Variants in HAGH observed in about 807,000 individuals in gnomAD.
HAGH encodes the protein hydroxyacylglutathione hydrolase, also known as hydroxyacylglutathione hydrolase, mitochondrial.
In HAGH, 29 loss-of-function variants were observed where a neutral mutation model predicts 35.1. The observed-to-expected ratio is 0.83, with a 90% CI of 0.62 to 1.13. The LOEUF (loss-of-function observed/expected upper bound fraction) is 1.13, where lower values mean the gene tolerates loss of function less well. Among genes scored for constraint, HAGH ranks in the 50% most tolerant of loss-of-function variants. HAGH has a pLI of 0.00. For synonymous variants in HAGH, 225 were observed against 176.1 expected (o/e 1.28, Z -2.20); for missense variants, 478 against 419.6 (o/e 1.14, Z -1.22).
rs553673394 is a variant in HAGH at position 1,809,846 on chromosome 16, C to T, written c.748-13G>A. The T allele has an allele frequency of 3.7e-5, 59 of 1,606,120 alleles. No homozygotes were observed. Among genetic ancestry groups the T allele is most frequent in the South Asian group, 1.9e-4 (17 of 90,972 alleles). On this transcript the variant is annotated splice_polypyrimidine_tract_variant and intron_variant, in intron 7 of 8. Coordinates refer to ENST00000397356, the MANE Select transcript of HAGH (RefSeq NM_005326.6). ...TGCTGTACTTCTCCTGCAAGAGAAA[C>T]GCACCACTTTATCACGGGAACTTCA... is the stretch of plus-strand genomic sequence containing the variant.
chr16:1,822,968 A>G lies in HAGH; in HGVS notation c.146T>C (p.Met49Thr). 1 of 1,613,408 alleles carries G rather than the reference A, an allele frequency of 6.2e-7. No individual in the cohort carries two copies. The highest frequency in any genetic ancestry group is 8.5e-7 in the Non-Finnish European group (1 of 1,179,512). The change falls in exon 2 of 9, where the codon ATG becomes ACG. Residue 49 changes from methionine to threonine, a missense_variant. Transcript: ENST00000397356. ...CAGGGCAGGCAGCACCTCTACCTTCATGGTGCCCTCGTCCACGGTCAGGTT... is the reference window on the plus strand; with the variant it reads ...CAGGGCAGGCAGCACCTCTACCTTCGTGGTGCCCTCGTCCACGGTCAGGTT... ...RKNLTVDEGTMKVEVLPALTD... is the reference protein window; with the variant it reads ...RKNLTVDEGTTKVEVLPALTD...
chr16:1,814,696 G>A (rs564649969), intron 7 of HAGH, among the ~76,000 whole-genome samples: 2 of 151,900 alleles, frequency 1.3e-5, no homozygotes, highest in African/African-American at 2.4e-5. Flanking sequence ...TCAGGAGATC[G>A]AGACCTTCCT....
At chr16:1,809,446 A>T in intron 8 of HAGH, 64 bp from the exon 9 acceptor site, 1 of 1,348,444 alleles carries the variant, frequency 7.4e-7, no homozygotes, top group South Asian at 1.2e-5. Context: ...AGCCAGGGCC[A>T]CTGCAGAGGA....
At chr16:1,819,589 C>A (rs1485746373) in intron 4 of HAGH, among the ~76,000 whole-genome samples, 1 of 152,250 alleles carries the variant, frequency 6.6e-6, no homozygotes, top group Non-Finnish European at 1.5e-5. Context: ...TTCACACCCT[C>A]AAAAAGGCTG....
chr16:1,811,106 A>G (rs1001873501), intron 7 of HAGH, among the ~76,000 whole-genome samples: 2 of 152,250 alleles, frequency 1.3e-5, no homozygotes, highest in African/African-American at 4.8e-5. Flanking sequence ...AGTACGAAGC[A>G]TTTAAAGACA....
Position 1,826,496 on chromosome 16 carries a change from G to A in HAGH, c.76+216C>T, listed in dbSNP as rs982383415. The A allele has an allele frequency of 2.5e-4, 236 of 940,184 alleles. No homozygotes were observed. The Middle Eastern group carries it at 3.3e-3, about 13-fold the overall frequency. The allele number at this position is 940,184 out of a possible 1,614,324, so 58.2% of individuals were successfully genotyped here. A position where few individuals can be genotyped will look rare whatever the true frequency, so the allele number is the denominator to read the frequency against. ...GGAGGCCGCGGCGGACGCAGGCCTG[G>A]CCCTGCTTACCTAGCGCTTTCCGCA... On this transcript the variant is annotated intron_variant, in intron 1 of 8. Transcript: ENST00000397356.
chr16:1,820,664 G>T (rs1898115732), intron 3 of HAGH, among the ~76,000 whole-genome samples: 1 of 152,174 alleles, frequency 6.6e-6, no homozygotes, highest in South Asian at 2.1e-4. Context: ...GGTTGAAGGG[G>T]CCCTTCCCGG....
Position 1,819,169 on chromosome 16 carries a change from T to C in HAGH, c.487A>G (p.Ile163Val), listed in dbSNP as rs1364883641. Residue 163 changes from isoleucine (I) to valine (V), a missense_variant, in exon 5 of 9, where the codon ATT becomes GTT. By Grantham distance (29) the Ile-to-Val change is conservative (BLOSUM62 3). Transcript: ENST00000397356. ...LATPCHTSGH[I>V]CYFVSKPGGS... ...CCGGGCTTGCTCACGAAGTAACAAA[T>C]GTGTCCTGAAGTGTGGCACGGGGTC... 1 of 1,613,368 alleles carries C rather than the reference T, an allele frequency of 6.2e-7. No individual in the cohort carries two copies.
Position 1,809,010 on chromosome 16 carries a change from T to G in HAGH, c.*273A>C. The G allele has an allele frequency of 4.5e-6, 2 of 446,304 alleles. No individual in the cohort carries two copies. The highest frequency in any genetic ancestry group is 8.1e-6 in the Non-Finnish European group (2 of 247,890). The allele number at this position is 446,304 out of a possible 1,614,324, so 27.6% of individuals were successfully genotyped here. On this transcript the variant is annotated 3_prime_UTR_variant, in exon 9 of 9. Transcript: ENST00000397356. ...GCTCACGCCTGACCTGAAGCGTGGGTGGGGGGACTGCAGTGGCTCACGGAG... is the reference window on the plus strand; with the variant it reads ...GCTCACGCCTGACCTGAAGCGTGGGGGGGGGGACTGCAGTGGCTCACGGAG...
intron 1 of HAGH, chr16:1,826,404 G>A: frequency 3.5e-6 from 1 of 289,202 alleles, no homozygotes; most frequent in Non-Finnish European, 5.1e-6. Flanking sequence ...GGCTCTCCTC[G>A]GCGCCGGCCC....
intron 1 of HAGH, among the ~76,000 whole-genome samples, chr16:1,823,790 T>A (rs1302164343): frequency 1.5e-5 from 2 of 137,856 alleles, no homozygotes; most frequent in Admixed American, 1.5e-4. Flanking sequence ...TCTTCATATA[T>A]CCCTGAGGAG....
At position 1,823,062 on chromosome 16, in the gene HAGH, C is replaced by A. The variant is rs374437125; in HGVS notation, c.77-25G>T. 3 of 1,608,664 alleles carry A rather than the reference C, an allele frequency of 1.9e-6. No homozygotes were observed. In the East Asian group the frequency reaches 6.7e-5, roughly 36 times the overall value. On this transcript the variant is annotated intron_variant, in intron 1 of 8. Transcript: ENST00000397356. ...CCTGCAGACACAGAGCACAACTCAG[C>A]GGGCAGCCGCGCCAGGCCCTCCACG...
chr16:1,823,992 G>A (rs1898278156), intron 1 of HAGH, among the ~76,000 whole-genome samples: 1 of 152,096 alleles, frequency 6.6e-6, no homozygotes, highest in Non-Finnish European at 1.5e-5. Context: ...CACAGACTAG[G>A]GGTGCCCCCG....
At chr16:1,826,415 G>T in intron 1 of HAGH, 1 of 340,162 alleles carries the variant, frequency 2.9e-6, no homozygotes, top group Non-Finnish European at 4.2e-6. Context: ...GCGCCGGCCC[G>T]GGCAGGACGC....
chr16:1,824,510 C>T (rs538001241), intron 1 of HAGH, among the ~76,000 whole-genome samples: 2 of 152,280 alleles, frequency 1.3e-5, no homozygotes, highest in East Asian at 3.9e-4. Flanking sequence ...TCTAAAAATA[C>T]CTGGGGGCCC....
intron 2 of HAGH, 23 bp downstream of exon 2, chr16:1,822,842 G>A: frequency 1.9e-6 from 3 of 1,604,492 alleles, no homozygotes; most frequent in East Asian, 4.5e-5. Flanking sequence ...AGGGCAGGGA[G>A]AGCCAGGCAC....
chr16:1,817,377 G>A (rs567901112), intron 5 of HAGH, 106 bp from the exon 6 acceptor site: 25 of 758,562 alleles, frequency 3.3e-5, no homozygotes, highest in South Asian at 2.1e-4. Context: ...CCCAGGCCCC[G>A]AACCCTGGCT....
At chr16:1,815,770 G>A (rs1195027758) in intron 7 of HAGH, among the ~76,000 whole-genome samples, 6 of 152,094 alleles carry the variant, frequency 3.9e-5, no homozygotes, top group Non-Finnish European at 5.9e-5. Flanking sequence ...TGTAATCTCA[G>A]CACTTTGGGA....
intron 5 of HAGH, among the ~76,000 whole-genome samples, chr16:1,817,833 G>A (rs1897977096): frequency 6.6e-6 from 1 of 152,196 alleles, no homozygotes; most frequent in South Asian, 2.1e-4. Context: ...TCCTCTTGCT[G>A]CTTCGCGGCT....
Sources: allele counts gnomAD v4.1 joint callset (sites outside exome capture counted in the v4.1 genomes callset), GRCh38; gene constraint gnomAD v4.1.1; transcripts MANE v1.5; gene names NCBI Gene and HGNC (gene_info 2026-07-23, HGNC 2026-07-21).